The following RIC1 variants were observed in gnomAD, a reference collection of about 807,000 sequenced individuals.
RIC1 encodes the protein RIC1 partner of RAB6A GEF complex, also known as guanine nucleotide exchange factor subunit RIC1.
Under a neutral mutation model 169.0 loss-of-function variants are expected in RIC1, and 88 were observed. That is an observed-to-expected ratio of 0.52 (90% confidence interval 0.44 to 0.62). The LOEUF (loss-of-function observed/expected upper bound fraction) is 0.62, where lower values mean the gene tolerates loss of function less well. RIC1 is among the 20% of genes least tolerant of loss of function. The pLI, the probability that RIC1 is intolerant of heterozygous loss-of-function variation, is 0.00. For synonymous variants in RIC1, 790 were observed against 601.5 expected (o/e 1.31, Z -4.59); for missense variants, 1,877 against 1,725.5 (o/e 1.09, Z -1.56).
chr9:5,677,013 C>T (rs549428439), intron 2 of RIC1, among the ~76,000 whole-genome samples: 4 of 152,280 alleles, frequency 2.6e-5, no homozygotes, highest in African/African-American at 9.6e-5. Flanking sequence ...TGTATGGATG[C>T]GTATTTCCTT....
intron 17 of RIC1, 106 bp from the exon 18 acceptor site, chr9:5,762,435 T>C: frequency 7.2e-7 from 1 of 1,381,254 alleles, no homozygotes; most frequent in Non-Finnish European, 1.0e-6. Context: ...ACAACCTCAA[T>C]AAATAATGTA....
intron 2 of RIC1, among the ~76,000 whole-genome samples, chr9:5,675,847 T>C (rs1195573971): frequency 6.6e-6 from 1 of 152,198 alleles, no homozygotes; most frequent in East Asian, 1.9e-4. Context: ...ATATAAAAAT[T>C]ATGCTATTCA....
At chr9:5,722,280 C>T (rs1355183814) in intron 6 of RIC1, among the ~76,000 whole-genome samples, 10 of 145,754 alleles carry the variant, frequency 6.9e-5, no homozygotes, top group East Asian at 2.0e-4. Context: ...TTTTTTACCC[C>T]GAGGAACTAT....
Position 5,713,882 on chromosome 9 carries a change from G to C in RIC1, c.333-14G>C, listed in dbSNP as rs1290807361. On this transcript the variant is annotated splice_polypyrimidine_tract_variant and intron_variant, in intron 3 of 25. Coordinates refer to ENST00000414202, the MANE Select transcript of RIC1 (RefSeq NM_020829.4). ...ATTCAGCATCTTTCTTTAACTCTATGCTGTTTGTTTTAGAGGAAGTCCACA... is the reference window on the plus strand; with the variant it reads ...ATTCAGCATCTTTCTTTAACTCTATCCTGTTTGTTTTAGAGGAAGTCCACA... 3.2e-6 allele frequency: 5 copies of C among 1,581,002 alleles called. No individual in the cohort carries two copies. The highest frequency in any genetic ancestry group is 3.3e-5 in the Admixed American group (2 of 59,902).
intron 2 of RIC1, among the ~76,000 whole-genome samples, chr9:5,671,495 C>G (rs980033978): frequency 1.4e-5 from 2 of 144,108 alleles, no homozygotes; most frequent in Non-Finnish European, 2.9e-5. Context: ...AGGCTGGTCT[C>G]TAACTCCTGA....
In RIC1 at chr9:5,775,622, C is replaced by A. The variant is rs1342998362; in HGVS notation, c.*1376C>A. On this transcript the variant is annotated 3_prime_UTR_variant, in exon 26 of 26. Transcript: ENST00000414202. ...TGTAGTTTAGAAACAAAACTTGGTC[C>A]TCTCTCCTTGCTTTTTAAAGTAAAT... The A allele has an allele frequency of 6.6e-6, 1 of 152,118 alleles. No individual in the cohort carries two copies. The highest frequency in any genetic ancestry group is 1.5e-5 in the Non-Finnish European group (1 of 68,012). The allele number at this position is 152,118 out of a possible 1,614,324, so 9.4% of individuals were successfully genotyped here. A position where few individuals can be genotyped will look rare whatever the true frequency, so the allele number is the denominator to read the frequency against.
chr9:5,744,919 C>G (rs1388784658), intron 10 of RIC1, among the ~76,000 whole-genome samples: 1 of 152,164 alleles, frequency 6.6e-6, no homozygotes, highest in African/African-American at 2.4e-5. Context: ...TCTCTTCTCT[C>G]TTGCTCCACA....
rs942425414 is a variant in RIC1 at position 5,629,138 on chromosome 9, C to T, written c.-172C>T. ...GGCCCCGTCAGCTTGGGGGTGCCTT[C>T]GTCGCGCAGCCTTGCGTCGGCCCGG... On this transcript the variant is annotated 5_prime_UTR_variant, in exon 1 of 26. Transcript: ENST00000414202. 5 of 495,262 alleles carry T rather than the reference C, an allele frequency of 1.0e-5. No homozygotes were observed. The highest frequency in any genetic ancestry group is 2.0e-5 in the African/African-American group (1 of 49,252). 30.7% of individuals were successfully genotyped at this position (495,262 alleles called of 1,614,324 possible).
At chr9:5,719,901 TTC>T (rs1426101017) in intron 4 of RIC1, among the ~76,000 whole-genome samples, 1 of 152,220 alleles carries the variant, frequency 6.6e-6, no homozygotes, top group Non-Finnish European at 1.5e-5. Flanking sequence ...CTGCTATCAC[TTC>T]TGTTTCCATC....
chr9:5,630,251 G>A (rs1279962609), intron 1 of RIC1, among the ~76,000 whole-genome samples: 1 of 152,170 alleles, frequency 6.6e-6, no homozygotes, highest in African/African-American at 2.4e-5. Context: ...AATAAGTGGT[G>A]GATGGGATAC....
chr9:5,689,886 T>A, intron 2 of RIC1, 73 bp from the exon 3 acceptor site: 1 of 1,054,798 alleles, frequency 9.5e-7, no homozygotes. Context: ...AGTAAGAATT[T>A]ATAAAATTAA....
chr9:5,712,947 T>G (rs1823021338), intron 3 of RIC1: 1 of 152,050 alleles, frequency 6.6e-6, no homozygotes, highest in Non-Finnish European at 1.5e-5. Flanking sequence ...CACAAAACTT[T>G]ATAAGAAAAA....
intron 3 of RIC1, among the ~76,000 whole-genome samples, chr9:5,708,698 G>A (rs1235981058): frequency 6.6e-6 from 1 of 152,038 alleles, no homozygotes; most frequent in African/African-American, 2.4e-5. Context: ...TTTTTTGACA[G>A]TTTGAACATG....
intron 6 of RIC1, among the ~76,000 whole-genome samples, chr9:5,729,986 T>C (rs1485723311): frequency 6.6e-6 from 1 of 152,152 alleles, no homozygotes; most frequent in African/African-American, 2.4e-5. Flanking sequence ...ACAAAATATA[T>C]TCTCAGTGTT....
At chr9:5,764,001 G>A in intron 19 of RIC1, 133 bp downstream of exon 19, 4 of 1,006,352 alleles carry the variant, frequency 4.0e-6, no homozygotes, top group South Asian at 1.8e-5. Flanking sequence ...TCTTTAATTT[G>A]GAAGAATTCA....
At chr9:5,647,086 A>G (rs1818555007) in intron 1 of RIC1, among the ~76,000 whole-genome samples, 1 of 152,078 alleles carries the variant, frequency 6.6e-6, no homozygotes, top group African/African-American at 2.4e-5. Context: ...TCCCCTTTGA[A>G]TGGTCTAGGT....
At position 5,678,418 on chromosome 9, in the gene RIC1, G is replaced by A. The variant is rs376400530; in HGVS notation, c.253-11541G>A. On this transcript the variant is annotated intron_variant, in intron 2 of 25. Transcript: ENST00000414202. The stretch of plus-strand genomic sequence containing the variant: ...TCTAGTTCTAGATCCCTGAGGAATC[G>A]CCACACTGACTTCCACAATGGTTGA... Among the ~76,000 whole-genome samples the A allele has an allele frequency of 3.1e-4, 47 of 151,756 alleles. No individual in the cohort carries two copies. In the East Asian group the frequency reaches 8.1e-3, roughly 26 times the overall value.
chr9:5,641,356 G>C (rs1363271017), intron 1 of RIC1, among the ~76,000 whole-genome samples: 1 of 152,116 alleles, frequency 6.6e-6, no homozygotes, highest in Non-Finnish European at 1.5e-5. Flanking sequence ...CTCCCAAAGT[G>C]CTGGGATTAC....
rs559894843 is a variant in RIC1, at chr9:5,647,057, A to G, written c.145-9526A>G. Among the ~76,000 whole-genome samples, 52 of 152,316 alleles carry G rather than the reference A, an allele frequency of 3.4e-4. No individual in the cohort carries two copies. In the East Asian group the frequency reaches 9.4e-3, roughly 28 times the overall value. On this transcript the variant is annotated intron_variant, in intron 1 of 25. Coordinates refer to ENST00000414202, the MANE Select transcript of RIC1 (RefSeq NM_020829.4). ...CCAGTTTTCCCAGCACTGTTTGTTG[A>G]AAAGACTTTCTTTCCTTTTCCCCTT...
Sources: allele counts gnomAD v4.1 joint callset (sites outside exome capture counted in the v4.1 genomes callset), GRCh38; gene constraint gnomAD v4.1.1; transcripts MANE v1.5; gene names NCBI Gene and HGNC (gene_info 2026-07-23, HGNC 2026-07-21).